The following PRKG1 variants were observed in gnomAD, a reference collection of about 807,000 sequenced individuals.
PRKG1 encodes the protein cGMP-dependent protein kinase 1.
In PRKG1, 35 loss-of-function variants were observed where a neutral mutation model predicts 88.1. That is an observed-to-expected ratio of 0.40 (90% confidence interval 0.30 to 0.53). The LOEUF (loss-of-function observed/expected upper bound fraction) is 0.53. Ranked by LOEUF, PRKG1 falls within the 20% of genes least tolerant of loss-of-function variation. PRKG1 has a pLI of 0.59. For synonymous variants in PRKG1, 303 were observed against 292.5 expected (o/e 1.04, Z -0.37); for missense variants, 540 against 839.8 (o/e 0.64, Z 4.41).
chr10:51,139,752 T>A (rs1206428661), intron 1 of PRKG1, among the ~76,000 whole-genome samples: 1 of 152,212 alleles, frequency 6.6e-6, no homozygotes, highest in East Asian at 1.9e-4. Flanking sequence ...ATGTTTTACT[T>A]GAAAATAGTG....
intron 2 of PRKG1, among the ~76,000 whole-genome samples, chr10:51,159,387 G>T (rs543810119): frequency 6.6e-6 from 1 of 151,938 alleles, no homozygotes; most frequent in Non-Finnish European, 1.5e-5. Context: ...TGAGTTTTTC[G>T]TGTTAATCCA....
intron 5 of PRKG1, among the ~76,000 whole-genome samples, chr10:51,997,596 A>G (rs1844482502): frequency 6.6e-6 from 1 of 152,166 alleles, no homozygotes; most frequent in African/African-American, 2.4e-5. Context: ...CTTACCACAA[A>G]TGATAACATT....
chr10:51,685,938 A>G (rs1840977841), intron 3 of PRKG1, among the ~76,000 whole-genome samples: 1 of 152,146 alleles, frequency 6.6e-6, no homozygotes. Flanking sequence ...CCTTTGCCAC[A>G]GTGCTGGCCC....
intron 7 of PRKG1, among the ~76,000 whole-genome samples, chr10:52,124,730 AC>A (rs1847893147): frequency 6.6e-6 from 1 of 152,002 alleles, no homozygotes; most frequent in African/African-American, 2.4e-5. Context: ...AACAATTCAT[AC>A]AGCTGTATAG....
chr10:51,864,318 C>G (rs868466364), intron 4 of PRKG1, among the ~76,000 whole-genome samples: 2 of 152,206 alleles, frequency 1.3e-5, no homozygotes, highest in Non-Finnish European at 2.9e-5. Flanking sequence ...AGCTGGAGCT[C>G]TGGGCCAGTG....
intron 2 of PRKG1, among the ~76,000 whole-genome samples, chr10:51,283,560 A>G (rs968464214): frequency 6.6e-6 from 1 of 152,110 alleles, no homozygotes; most frequent in Non-Finnish European, 1.5e-5. Context: ...GTGTGAGTAA[A>G]TTAAAGATTG....
intron 9 of PRKG1, among the ~76,000 whole-genome samples, chr10:52,221,508 A>C (rs184741834): frequency 2.6e-5 from 4 of 152,208 alleles, no homozygotes; most frequent in African/African-American, 9.6e-5. Flanking sequence ...ATGGTACTTA[A>C]TTTTTTGCAT....
chr10:51,217,265 G>A (rs192367076), intron 2 of PRKG1, among the ~76,000 whole-genome samples: 1 of 152,170 alleles, frequency 6.6e-6, no homozygotes, highest in East Asian at 1.9e-4. Flanking sequence ...ATGAGAGAAG[G>A]GAATGGCTTA....
intron 2 of PRKG1, among the ~76,000 whole-genome samples, chr10:51,251,291 G>C (rs946378748): frequency 2.6e-5 from 4 of 151,656 alleles, no homozygotes; most frequent in African/African-American, 7.3e-5. Flanking sequence ...ATCAAGTCTT[G>C]GCAGGAAGTT....
At chr10:51,246,413 C>T (rs1223938103) in intron 2 of PRKG1, among the ~76,000 whole-genome samples, 2 of 151,984 alleles carry the variant, frequency 1.3e-5, no homozygotes, top group African/African-American at 2.4e-5. Flanking sequence ...AGCCCACCTC[C>T]TGTTTTTGTA....
intron 2 of PRKG1, among the ~76,000 whole-genome samples, chr10:51,365,913 A>G (rs1588884810): frequency 6.6e-6 from 1 of 151,004 alleles, no homozygotes; most frequent in African/African-American, 2.5e-5. Context: ...CCATCACTAT[A>G]CGAAAAAAAA....
intron 1 of PRKG1, among the ~76,000 whole-genome samples, chr10:51,113,137 G>A (rs923002789): frequency 3.3e-5 from 5 of 152,108 alleles, no homozygotes; most frequent in East Asian, 1.9e-4. Context: ...GATATGCATC[G>A]CAATGTGCTG....
intron 3 of PRKG1, among the ~76,000 whole-genome samples, chr10:51,560,014 TG>T (rs1352030786): frequency 6.6e-6 from 1 of 152,182 alleles, no homozygotes; most frequent in East Asian, 1.9e-4. Context: ...TGACGTACTT[TG>T]ACTTTGTCAC....
intron 7 of PRKG1, among the ~76,000 whole-genome samples, chr10:52,092,008 G>A (rs993886557): frequency 3.9e-5 from 6 of 152,148 alleles, no homozygotes; most frequent in African/African-American, 1.4e-4. Context: ...AACTTCTCCT[G>A]GGGTTACCAG....
At chr10:52,013,129 G>A (rs1190874720) in intron 5 of PRKG1, among the ~76,000 whole-genome samples, 1 of 152,034 alleles carries the variant, frequency 6.6e-6, no homozygotes, top group Non-Finnish European at 1.5e-5. Flanking sequence ...AAGAAAGATG[G>A]TTGGGAGGGC....
intron 3 of PRKG1, among the ~76,000 whole-genome samples, chr10:51,521,723 A>G (rs572503108): frequency 1.3e-5 from 2 of 152,230 alleles, no homozygotes; most frequent in Admixed American, 6.5e-5. Context: ...GCAAAGATCA[A>G]TTAGAGAGAT....
intron 2 of PRKG1, among the ~76,000 whole-genome samples, chr10:51,195,597 G>A (rs74133528): frequency 0.035 from 5,276 of 152,128 alleles, 302 homozygotes; most frequent in African/African-American, 0.12. Flanking sequence ...TTCTCTGAAC[G>A]ATAAGTTAGG....
At chr10:50,995,201 C>T (rs775325401) in intron 1 of PRKG1, among the ~76,000 whole-genome samples, 3 of 152,244 alleles carry the variant, frequency 2.0e-5, no homozygotes, top group Middle Eastern at 3.4e-3. Flanking sequence ...AAGCATGTAT[C>T]GTAGACGAAG....
chr10:51,511,098 A>G (rs1008036140), intron 3 of PRKG1, among the ~76,000 whole-genome samples: 1 of 152,086 alleles, frequency 6.6e-6, no homozygotes, highest in Non-Finnish European at 1.5e-5. Flanking sequence ...TTCATTATAT[A>G]GTTTAAAAAT....
Sources: gnomAD v4.1 joint callset for allele counts (sites outside exome capture counted in the v4.1 genomes callset) on GRCh38, gnomAD v4.1.1 for gene constraint, MANE v1.5 for transcripts, NCBI Gene and HGNC (gene_info 2026-07-23, HGNC 2026-07-21) for gene names.